The following COL19A1 variants were observed in gnomAD, a reference collection of about 807,000 sequenced individuals.
The protein encoded by COL19A1 is collagen alpha-1(XIX) chain.
COL19A1 carries 159 observed loss-of-function variants against 190.2 expected under a neutral mutation model. The observed-to-expected ratio is 0.84, with a 90% CI of 0.73 to 0.95. The LOEUF (loss-of-function observed/expected upper bound fraction) is 0.95, where lower values mean the gene tolerates loss of function less well. Among genes scored for constraint, COL19A1 ranks in the 40% least tolerant of loss-of-function variants. The probability of loss-of-function intolerance (pLI) is 0.00; values close to 1 mark genes in which losing one functional copy is unlikely to be tolerated. For missense variants in COL19A1, 1,418 were observed against 1,431.9 expected (o/e 0.99, Z 0.16); for synonymous variants, 509 against 458.9 (o/e 1.11, Z -1.39).
intron 2 of COL19A1, among the ~76,000 whole-genome samples, chr6:69,898,673 A>C (rs1043725113): frequency 2.6e-5 from 4 of 152,178 alleles, no homozygotes; most frequent in Admixed American, 2.6e-4. Context: ...CCAAATGTCA[A>C]GGATACATAA....
intron 16 of COL19A1, among the ~76,000 whole-genome samples, chr6:70,111,297 A>C (rs1004913500): frequency 2.6e-5 from 4 of 152,210 alleles, no homozygotes; most frequent in Admixed American, 2.6e-4. Flanking sequence ...CAAAGTAAAG[A>C]CTGAAGGAAA....
intron 12 of COL19A1, among the ~76,000 whole-genome samples, chr6:70,027,355 G>A (rs1434106658): frequency 6.6e-6 from 1 of 152,124 alleles, no homozygotes; most frequent in Non-Finnish European, 1.5e-5. Context: ...TTAATTTAAA[G>A]GGTAGTATGT....
intron 20 of COL19A1, among the ~76,000 whole-genome samples, chr6:70,141,524 C>T (rs967683995): frequency 7.2e-5 from 11 of 151,970 alleles, no homozygotes; most frequent in African/African-American, 2.7e-4. Context: ...CACATATTAC[C>T]TTAAATTCTA....
rs35552190 is a variant in COL19A1, at chr6:69,960,623, CTTTTT to C, written c.981+603_981+607del. ...AAGATGAACTTCCTTTGTGCCCCCA[CTTTTT>C]TTTTTTTTTTTTTTTTTTTGAGACG... On this transcript the variant is annotated intron_variant, in intron 10 of 50. Transcript: ENST00000620364. 3.1e-3 allele frequency among the ~76,000 whole-genome samples: 339 copies of C among 109,860 alleles called. 1 individual carries two copies. The highest frequency in any genetic ancestry group is 0.011 in the African/African-American group (303 of 27,834). The allele number at this position is 109,860 out of a possible 152,430, so 72.1% of individuals were successfully genotyped here. A position where few individuals can be genotyped will look rare whatever the true frequency, so the allele number is the denominator to read the frequency against.
At chr6:69,930,369 A>T (rs1363617363) in intron 6 of COL19A1, among the ~76,000 whole-genome samples, 1 of 152,204 alleles carries the variant, frequency 6.6e-6, no homozygotes, top group Non-Finnish European at 1.5e-5. Context: ...ATATATCTAA[A>T]TTTGATGGCT....
intron 16 of COL19A1, among the ~76,000 whole-genome samples, chr6:70,110,200 G>C (rs956504785): frequency 2.8e-4 from 42 of 152,154 alleles, no homozygotes; most frequent in Non-Finnish European, 5.9e-5. Context: ...CCTTGAATGT[G>C]ACTACATGCA....
chr6:69,985,323 A>G (rs1776254352), intron 11 of COL19A1, among the ~76,000 whole-genome samples: 1 of 152,198 alleles, frequency 6.6e-6, no homozygotes, highest in South Asian at 2.1e-4. Context: ...GCCAAACATG[A>G]AAGCAGCATC....
At chr6:70,064,028 A>C (rs550065263) in intron 14 of COL19A1, among the ~76,000 whole-genome samples, 7 of 152,334 alleles carry the variant, frequency 4.6e-5, no homozygotes, top group Non-Finnish European at 7.3e-5. Context: ...ATGGATTCAC[A>C]GCCGAATTCT....
At chr6:69,971,128 G>A (rs557005366) in intron 11 of COL19A1, among the ~76,000 whole-genome samples, 1 of 152,148 alleles carries the variant, frequency 6.6e-6, no homozygotes, top group African/African-American at 2.4e-5. Flanking sequence ...AAAGTAAAAT[G>A]TCCAGAGAGA....
chr6:69,977,242 G>T (rs188055272), intron 11 of COL19A1, among the ~76,000 whole-genome samples: 28 of 152,214 alleles, frequency 1.8e-4, no homozygotes, highest in Admixed American at 1.0e-3. Context: ...CATAAAAAAT[G>T]ATGAGTTCAT....
At chr6:69,934,287 T>C (rs1019488036) in intron 7 of COL19A1, among the ~76,000 whole-genome samples, 1 of 151,992 alleles carries the variant, frequency 6.6e-6, no homozygotes, top group African/African-American at 2.4e-5. Flanking sequence ...TAATTTAGAA[T>C]GCCAATCTAC....
At chr6:69,959,633 G>A (rs1004815354) in intron 9 of COL19A1, among the ~76,000 whole-genome samples, 14 of 152,136 alleles carry the variant, frequency 9.2e-5, no homozygotes, top group African/African-American at 3.4e-4. Flanking sequence ...TAGAAAGCAC[G>A]ATGTCAGACT....
At chr6:69,952,129 C>T (rs1052417635) in intron 9 of COL19A1, among the ~76,000 whole-genome samples, 9 of 151,892 alleles carry the variant, frequency 5.9e-5, no homozygotes, top group Non-Finnish European at 8.8e-5. Context: ...ACTCCCCCAC[C>T]TTCATAAGAT....
At chr6:69,992,492 A>G (rs1002336583) in intron 11 of COL19A1, among the ~76,000 whole-genome samples, 1 of 152,118 alleles carries the variant, frequency 6.6e-6, no homozygotes, top group Non-Finnish European at 1.5e-5. Context: ...AGAAAAAAAA[A>G]TGTTGTTAGT....
chr6:69,973,270 C>T (rs1034084725), intron 11 of COL19A1, among the ~76,000 whole-genome samples: 4 of 152,166 alleles, frequency 2.6e-5, no homozygotes, highest in Admixed American at 2.0e-4. Flanking sequence ...TCTTCCCTTT[C>T]TCCTTTCTCA....
intron 17 of COL19A1, among the ~76,000 whole-genome samples, chr6:70,126,650 C>T (rs1316640543): frequency 6.6e-6 from 1 of 152,198 alleles, no homozygotes. Flanking sequence ...TCCTAGCCCA[C>T]ATATTATGTT....
chr6:70,162,791 C>T (rs1170657786), intron 35 of COL19A1, among the ~76,000 whole-genome samples: 2 of 152,000 alleles, frequency 1.3e-5, no homozygotes, highest in Admixed American at 1.3e-4. Flanking sequence ...TTTATGCTTC[C>T]GCCACAGTTA....
intron 48 of COL19A1, among the ~76,000 whole-genome samples, chr6:70,195,424 C>G (rs1767139146): frequency 6.6e-6 from 1 of 152,070 alleles, no homozygotes; most frequent in African/African-American, 2.4e-5. Flanking sequence ...ATTTCAGTGT[C>G]TTTAAGTCTT....
chr6:70,099,285 A>G (rs1783482098), intron 15 of COL19A1, among the ~76,000 whole-genome samples: 1 of 151,956 alleles, frequency 6.6e-6, no homozygotes, highest in South Asian at 2.1e-4. Flanking sequence ...AAAATTCGAA[A>G]TCTGAAATGC....
Sources: allele counts gnomAD v4.1 joint callset (sites outside exome capture counted in the v4.1 genomes callset), GRCh38; gene constraint gnomAD v4.1.1; transcripts MANE v1.5; gene names NCBI Gene and HGNC (gene_info 2026-07-23, HGNC 2026-07-21).